The following DNAH14 variants were observed in gnomAD, a reference collection of about 807,000 sequenced individuals.
The protein encoded by DNAH14 is dynein axonemal heavy chain 14.
Under a neutral mutation model 520.9 loss-of-function variants are expected in DNAH14, and 478 were observed. The observed-to-expected ratio is 0.92, with a 90% CI of 0.85 to 0.99. The LOEUF is 0.99. Among genes scored for constraint, DNAH14 ranks in the 50% least tolerant of loss-of-function variants. The probability of loss-of-function intolerance (pLI) is 0.00; values close to 1 mark genes in which losing one functional copy is unlikely to be tolerated. For synonymous variants in DNAH14, 1,581 were observed against 1,757.2 expected, an observed-to-expected ratio of 0.90 and a Z score of 2.51; for missense variants, 4,831 against 5,234.5, an observed-to-expected ratio of 0.92 and a Z score of 2.38.
intron 8 of DNAH14, among the ~76,000 whole-genome samples, chr1:224,977,232 G>A (rs752534746): frequency 9.3e-5 from 14 of 151,034 alleles, no homozygotes; most frequent in African/African-American, 2.2e-4. Context: ...GTAGACTATC[G>A]CAAGAACAGA....
At chr1:225,299,136 C>T (rs1558306723) in intron 55 of DNAH14, among the ~76,000 whole-genome samples, 2 of 152,204 alleles carry the variant, frequency 1.3e-5, no homozygotes, top group East Asian at 1.9e-4. Flanking sequence ...TCTGGCCAGT[C>T]GCCAGGCCCA....
intron 1 of DNAH14, among the ~76,000 whole-genome samples, chr1:224,936,115 A>T (rs1464584062): frequency 6.6e-6 from 1 of 151,918 alleles, no homozygotes; most frequent in East Asian, 1.9e-4. Flanking sequence ...GAAAAAAAGT[A>T]GGAAGATTAC....
rs776451526 is a variant in DNAH14, at chr1:225,082,711, G to A, written c.3299G>A (p.Cys1100Tyr). The A allele has an allele frequency of 3.2e-6, 5 of 1,549,144 alleles. No homozygotes were observed. The African/African-American group carries it at 4.1e-5, about 13-fold the overall frequency. Residue 1100 changes from cysteine (C) to tyrosine (Y), a missense_variant, in exon 20 of 86, where the codon TGT (cysteine) becomes TAT (tyrosine). By Grantham distance (194) the Cys-to-Tyr change is radical (BLOSUM62 -2). Coordinates refer to ENST00000682510, the MANE Select transcript of DNAH14 (RefSeq NM_001367479.1). The part of the protein sequence containing the change: ...IGKSVPLDKN[C>Y]KVENLLALKM... ...AAGTCAGTTCCGCTTGATAAAAACT[G>A]TAAAGTAGAGAATCTTCTAGCTCTC... is the stretch of plus-strand genomic sequence containing the variant.
intron 25 of DNAH14, 90 bp downstream of exon 25, chr1:225,118,089 C>A: frequency 1.0e-6 from 1 of 988,562 alleles, no homozygotes; most frequent in Non-Finnish European, 1.6e-6. Flanking sequence ...TATAAAAGTG[C>A]GCTAAGCAAA....
At chr1:225,388,865 C>T (rs2095871995) in intron 82 of DNAH14, among the ~76,000 whole-genome samples, 1 of 152,170 alleles carries the variant, frequency 6.6e-6, no homozygotes, top group African/African-American at 2.4e-5. Flanking sequence ...CAACCTCCAC[C>T]TTCTGGGTTC....
intron 9 of DNAH14, 48 bp downstream of exon 9, chr1:225,002,975 A>C (rs2063876998): frequency 7.3e-7 from 1 of 1,376,680 alleles, no homozygotes; most frequent in South Asian, 1.7e-5. Flanking sequence ...TATAGAAACT[A>C]GGAAGAAAAA....
At chr1:225,364,681 AG>A in intron 75 of DNAH14, 110 bp from the exon 76 acceptor site, 1 of 669,798 alleles carries the variant, frequency 1.5e-6, no homozygotes, top group Non-Finnish European at 2.4e-6. Flanking sequence ...TAAGATCTTC[AG>A]TATTAAAATG....
chr1:225,335,625 ATATACATATGTG>A (rs2094968525), intron 66 of DNAH14, among the ~76,000 whole-genome samples: 1 of 125,676 alleles, frequency 8.0e-6, no homozygotes, highest in Non-Finnish European at 1.7e-5. Flanking sequence ...ATATACGCAT[ATATACATATGTG>A]CATATATGTA....
chr1:225,026,002 A>G (rs2066087062), intron 11 of DNAH14, among the ~76,000 whole-genome samples: 1 of 151,820 alleles, frequency 6.6e-6, no homozygotes, highest in South Asian at 2.1e-4. Context: ...GTGTTAGTTA[A>G]TTAATTAATT....
chr1:225,205,786 C>T lies in DNAH14; in HGVS notation c.5978-185C>T, dbSNP rs971318400. Among the ~76,000 whole-genome samples, 4 of 152,262 alleles carry T rather than the reference C, an allele frequency of 2.6e-5. No homozygotes were observed. The East Asian group carries it at 7.7e-4, about 29-fold the overall frequency. On this transcript the variant is annotated intron_variant, in intron 39 of 85. Coordinates refer to ENST00000682510, the MANE Select transcript of DNAH14 (RefSeq NM_001367479.1). ...AATGCTTAAAGCATTATTAAGTATACTGTATAAATATTTATTCATATTCAG... is the reference window on the plus strand; with the variant it reads ...AATGCTTAAAGCATTATTAAGTATATTGTATAAATATTTATTCATATTCAG...
chr1:225,250,428 GA>G (rs2092490702), intron 43 of DNAH14, among the ~76,000 whole-genome samples: 1 of 152,216 alleles, frequency 6.6e-6, no homozygotes, highest in Non-Finnish European at 1.5e-5. Context: ...CTTCTGTACA[GA>G]CTGTAAGCTA....
rs7516413 is a variant in DNAH14 at position 225,057,529 on chromosome 1, T to A, written c.2424+5734T>A. On this transcript the variant is annotated intron_variant, in intron 17 of 85. Transcript: ENST00000682510. ...ATTGAATACCCTTTATTTCCTTCTCTTGCCTGACTGCCCTGGCCAGAACTT... is the reference window on the plus strand; with the variant it reads ...ATTGAATACCCTTTATTTCCTTCTCATGCCTGACTGCCCTGGCCAGAACTT... 6.6e-5 allele frequency among the ~76,000 whole-genome samples: 10 copies of A among 152,144 alleles called. No homozygotes were observed. The East Asian group carries it at 1.5e-3, about 24-fold the overall frequency.
intron 49 of DNAH14, 145 bp downstream of exon 49, chr1:225,266,914 T>A: frequency 1.6e-6 from 1 of 644,392 alleles, no homozygotes; most frequent in South Asian, 2.7e-5. Flanking sequence ...GACCCTAAAC[T>A]AACTATATTA....
chr1:225,193,061 T>A, intron 38 of DNAH14, 150 bp downstream of exon 38: 1 of 633,990 alleles, frequency 1.6e-6, no homozygotes, highest in South Asian at 3.0e-5. Flanking sequence ...AAGAGAAAAA[T>A]TATGTTATTA....
At chr1:225,173,879 G>A (rs192734433) in intron 36 of DNAH14, among the ~76,000 whole-genome samples, 2 of 152,338 alleles carry the variant, frequency 1.3e-5, no homozygotes, top group South Asian at 2.1e-4. Context: ...AACAATGATA[G>A]ACTGGATTAA....
At chr1:224,972,580 C>T (rs12074130) in intron 7 of DNAH14, among the ~76,000 whole-genome samples, 6,123 of 152,126 alleles carry the variant, frequency 0.04, 361 homozygotes, top group African/African-American at 0.13. Flanking sequence ...ATTCTCCTGC[C>T]TCAGCCTCCC....
intron 44 of DNAH14, among the ~76,000 whole-genome samples, chr1:225,256,087 A>G (rs1023452983): frequency 1.3e-5 from 2 of 152,228 alleles, no homozygotes; most frequent in Admixed American, 6.5e-5. Flanking sequence ...TAAGTGATTA[A>G]ATTTTAATTA....
chr1:225,188,625 G>A (rs1489772892), intron 37 of DNAH14, among the ~76,000 whole-genome samples: 1 of 151,856 alleles, frequency 6.6e-6, no homozygotes, highest in African/African-American at 2.4e-5. Flanking sequence ...GGAAGTGCAA[G>A]TTCTCCAACT....
rs1249704865 is a variant in DNAH14, at chr1:225,255,947, AACAACAGAG to A, written c.6866-2012_6866-2004del. 3.3e-5 allele frequency among the ~76,000 whole-genome samples: 5 copies of A among 152,340 alleles called. No individual in the cohort carries two copies. In the South Asian group the frequency reaches 6.2e-4, roughly 19 times the overall value. On this transcript the variant is annotated intron_variant, in intron 44 of 85. Coordinates refer to ENST00000682510, the MANE Select transcript of DNAH14 (RefSeq NM_001367479.1). ...ACGGAAGTAAAAGTTCAATAAGAATAACAACAGAGTCTACTTAAGGGGAAATACTTGAAG... is the reference window on the plus strand; with the variant it reads ...ACGGAAGTAAAAGTTCAATAAGAATATCTACTTAAGGGGAAATACTTGAAG...
Sources: allele counts gnomAD v4.1 joint callset (sites outside exome capture counted in the v4.1 genomes callset), GRCh38; gene constraint gnomAD v4.1.1; transcripts MANE v1.5; gene names NCBI Gene and HGNC (gene_info 2026-07-23, HGNC 2026-07-21).